MBTPS1: variants seen among roughly 807,000 people sequenced by gnomAD.
The protein encoded by MBTPS1 is membrane-bound transcription factor site-1 protease.
A neutral mutation model predicts 127.8 loss-of-function variants in MBTPS1; 94 were observed. That is an observed-to-expected ratio of 0.74 (90% confidence interval 0.62 to 0.87). MBTPS1 has a LOEUF of 0.87. Ranked by LOEUF, MBTPS1 falls within the 40% of genes least tolerant of loss-of-function variation. MBTPS1 has a pLI of 0.00. For missense variants in MBTPS1, 1,636 were observed against 1,353.2 expected, an observed-to-expected ratio of 1.21 and a Z score of -3.28; for synonymous variants, 632 against 509.4, an observed-to-expected ratio of 1.24 and a Z score of -3.24.
Position 84,060,704 on chromosome 16 carries a change from T to G in MBTPS1, c.2682A>C (p.Ser894=), listed in dbSNP as rs2085596937. The change falls in exon 20 of 23, where the codon TCA becomes TCC. Residue 894 remains serine (S), a synonymous_variant. Transcript: ENST00000343411. ...CACCTTCCATCCTCTCTGGAGTGAC[T>G]GAGCCTGCTCCACTGGGAGGGCGCT... The part of the protein sequence containing the change: ...NRQRPPSGAG[S]VTPERMEGNH... 1.2e-6 allele frequency: 2 copies of G among 1,613,920 alleles called. No individual in the cohort carries two copies. Among genetic ancestry groups the G allele is most frequent in the South Asian group, 2.2e-5 (2 of 91,000 alleles).
intron 12 of MBTPS1, among the ~76,000 whole-genome samples, chr16:84,072,518 G>A (rs982282306): frequency 2.6e-5 from 4 of 152,180 alleles, no homozygotes; most frequent in African/African-American, 4.8e-5. Flanking sequence ...CAGGTCAGGC[G>A]CGATGGCTCA....
At chr16:84,075,166 G>A (rs2085834960) in intron 11 of MBTPS1, 1 of 153,296 alleles carries the variant, frequency 6.5e-6, no homozygotes, top group African/African-American at 2.4e-5. Flanking sequence ...GGAGAGCTTA[G>A]GAAGCTGCGC....
rs370591451 is a variant in MBTPS1 at position 84,096,861 on chromosome 16, C to G, written c.422-1056G>C. 1.7e-4 allele frequency among the ~76,000 whole-genome samples: 26 copies of G among 152,300 alleles called. No individual in the cohort carries two copies. In the South Asian group the frequency reaches 4.6e-3, roughly 27 times the overall value. On this transcript the variant is annotated intron_variant, in intron 3 of 22. Transcript: ENST00000343411. ...GCTGACTGAAGAGCAACACTGAGAC[C>G]AGGAATGGGCCTGCTCTGCTTGACC... is the stretch of plus-strand genomic sequence containing the variant.
intron 16 of MBTPS1, 30 bp from the exon 17 acceptor site, chr16:84,066,643 AC>A (rs2085687509): frequency 6.2e-7 from 1 of 1,611,826 alleles, no homozygotes; most frequent in African/African-American, 1.3e-5. Context: ...CACACAGGGA[AC>A]AGGGAATGAA....
intron 21 of MBTPS1, 56 bp from the exon 22 acceptor site, chr16:84,056,191 A>T: frequency 6.8e-7 from 1 of 1,467,608 alleles, no homozygotes; most frequent in Non-Finnish European, 9.5e-7. Context: ...TAGTCTAGGT[A>T]CTAGTCTAGG....
chr16:84,058,074 C>G (rs919597594), intron 21 of MBTPS1: 9 of 152,192 alleles, frequency 5.9e-5, no homozygotes, highest in Non-Finnish European at 1.2e-4. Context: ...GGAAACTTAT[C>G]AGAAATGTTT....
rs1321216630 is a variant in MBTPS1 at position 84,074,725 on chromosome 16, T to C, written c.1465A>G (p.Ile489Val). Residue 489 changes from isoleucine (I) to valine (V), a missense_variant, in exon 12 of 23, where the codon ATA (isoleucine) becomes GTA (valine). Coordinates refer to ENST00000343411, the MANE Select transcript of MBTPS1 (RefSeq NM_003791.4). ...KPQASLSPSYIDLTECPYMWP... is the reference protein window; with the variant it reads ...KPQASLSPSYVDLTECPYMWP... ...ATGTAGGGACACTCAGTCAGATCTATGTAGCTGGGGCTCAAACTGAAATAA... is the reference window on the plus strand; with the variant it reads ...ATGTAGGGACACTCAGTCAGATCTACGTAGCTGGGGCTCAAACTGAAATAA... 1.2e-6 allele frequency: 2 copies of C among 1,613,636 alleles called. No homozygotes were observed. The highest frequency in any genetic ancestry group is 1.7e-6 in the Non-Finnish European group (2 of 1,179,868).
rs369928148 is a variant in MBTPS1 at position 84,063,300 on chromosome 16, C to T, written c.2572+5G>A. 15 of 1,606,032 alleles carry T rather than the reference C, an allele frequency of 9.3e-6. No individual in the cohort carries two copies. Among genetic ancestry groups the T allele is most frequent in the Non-Finnish European group, 1.3e-5 (15 of 1,174,004 alleles). Reference sequence around the variant, plus strand: ...AGTCACAAAGTCCATCTGCGTTTTTCCTACCCTTCTGTCGGTGACTGTCAT... The same window carrying T: ...AGTCACAAAGTCCATCTGCGTTTTTTCTACCCTTCTGTCGGTGACTGTCAT... On this transcript the variant is annotated splice_donor_5th_base_variant and intron_variant, in intron 19 of 22. Coordinates refer to ENST00000343411, the MANE Select transcript of MBTPS1 (RefSeq NM_003791.4).
intron 19 of MBTPS1, 81 bp downstream of exon 19, chr16:84,063,224 T>C (rs1411344099): frequency 6.8e-7 from 1 of 1,467,768 alleles, no homozygotes; most frequent in East Asian, 2.3e-5. Flanking sequence ...TCTGCCAGCA[T>C]CTCACGGGCG....
chr16:84,112,523 G>A (rs1441963322), intron 1 of MBTPS1, among the ~76,000 whole-genome samples: 3 of 151,514 alleles, frequency 2.0e-5, no homozygotes, highest in African/African-American at 7.3e-5. Context: ...TTAGCTGGGC[G>A]TGGTGGTGGG....
intron 6 of MBTPS1, among the ~76,000 whole-genome samples, chr16:84,092,889 A>G (rs977212664): frequency 2.6e-5 from 4 of 152,216 alleles, no homozygotes; most frequent in African/African-American, 7.2e-5. Context: ...GACCCAGGGT[A>G]CAGAGGCCTG....
chr16:84,114,893 T>C (rs1020122879), intron 1 of MBTPS1, among the ~76,000 whole-genome samples: 1 of 151,690 alleles, frequency 6.6e-6, no homozygotes, highest in Non-Finnish European at 1.5e-5. Flanking sequence ...GGCAGCAATG[T>C]ACAGTTCACC....
chr16:84,072,587 C>G (rs1437594301), intron 12 of MBTPS1, among the ~76,000 whole-genome samples: 1 of 152,068 alleles, frequency 6.6e-6, no homozygotes, highest in Non-Finnish European at 1.5e-5. Flanking sequence ...GTGAGGAGAT[C>G]GAGACCATCC....
intron 9 of MBTPS1, chr16:84,085,918 A>G (rs1198667568): frequency 6.6e-6 from 1 of 152,210 alleles, no homozygotes; most frequent in Non-Finnish European, 1.5e-5. Context: ...GATGTTTCAA[A>G]CGGTTGTAAA....
chr16:84,093,510 C>T (rs2086138614), intron 5 of MBTPS1, among the ~76,000 whole-genome samples: 1 of 152,162 alleles, frequency 6.6e-6, no homozygotes, highest in South Asian at 2.1e-4. Flanking sequence ...GGGAGCTGCC[C>T]CCACACCAGG....
intron 20 of MBTPS1, chr16:84,060,408 G>A (rs1019632426): frequency 5.4e-6 from 2 of 369,632 alleles, no homozygotes; most frequent in Non-Finnish European, 5.1e-6. Context: ...GTGAGAGCGG[G>A]ACGGTAAACA....
rs568855963 is a variant in MBTPS1 at position 84,069,611 on chromosome 16, T to C, written c.1955+255A>G. Reference sequence around the variant, plus strand: ...GCAGTTTGAGGGTAAGACTGACAGCTTTGCTGACTGGCGCAATGGGAGAAG... The same window carrying C: ...GCAGTTTGAGGGTAAGACTGACAGCCTTGCTGACTGGCGCAATGGGAGAAG... On this transcript the variant is annotated intron_variant, in intron 14 of 22. Coordinates refer to ENST00000343411, the MANE Select transcript of MBTPS1 (RefSeq NM_003791.4). Among the ~76,000 whole-genome samples the C allele has an allele frequency of 1.2e-4, 19 of 152,268 alleles. No homozygotes were observed. In the East Asian group the frequency reaches 3.3e-3, roughly 26 times the overall value.
chr16:84,058,134 C>G (rs1314859159), intron 21 of MBTPS1: 1 of 152,228 alleles, frequency 6.6e-6, no homozygotes, highest in African/African-American at 2.4e-5. Flanking sequence ...GATTAAGGTT[C>G]AGGAAGAAAG....
Position 84,070,748 on chromosome 16 carries a change from T to C in MBTPS1, c.1622A>G (p.Asn541Ser). ...GAAGGCAACTTCAATGTTGTCTCCG[T>C]TCTGTGGCAAATAGGGCTGCCAGTC... ...KPDWQPYLPQ[N>S]GDNIEVAFSY... Residue 541 changes from asparagine (N) to serine (S), a missense_variant, in exon 13 of 23, where the codon AAC becomes AGC. Asn to Ser is a conservative substitution (Grantham distance 46). Transcript: ENST00000343411. 6.2e-7 allele frequency: 1 copy of C among 1,612,902 alleles called. No individual in the cohort carries two copies. The highest frequency in any genetic ancestry group is 8.5e-7 in the Non-Finnish European group (1 of 1,179,434).
Sources: gnomAD v4.1 joint callset for allele counts (sites outside exome capture counted in the v4.1 genomes callset) on GRCh38, gnomAD v4.1.1 for gene constraint, MANE v1.5 for transcripts, NCBI Gene and HGNC (gene_info 2026-07-23, HGNC 2026-07-21) for gene names.